The following SASH1 variants were observed in gnomAD, a reference collection of about 807,000 sequenced individuals.
The protein encoded by SASH1 is SAM and SH3 domain containing 1, also known as SAM and SH3 domain-containing protein 1.
In SASH1, 44 loss-of-function variants were observed where a neutral mutation model predicts 125.2. The observed-to-expected ratio is 0.35, with a 90% CI of 0.28 to 0.45. SASH1 has a LOEUF of 0.45. Ranked by LOEUF, SASH1 falls within the 20% of genes least tolerant of loss-of-function variation. The probability of loss-of-function intolerance (pLI) is 1.00; values close to 1 mark genes in which losing one functional copy is unlikely to be tolerated. For missense variants in SASH1, 1,426 were observed against 1,614.5 expected (o/e 0.88, Z 2.00); for synonymous variants, 639 against 649.1 (o/e 0.98, Z 0.24).
chr6:148,233,382 C>A, the SASH1 span, among the ~76,000 whole-genome samples: 1 of 152,074 alleles, frequency 6.6e-6, no homozygotes, highest in Non-Finnish European at 1.5e-5. Flanking sequence ...TTCAAGCAGA[C>A]CAGAACCTTC....
chr6:148,465,986 C>T (rs1283762536), intron 4 of SASH1, among the ~76,000 whole-genome samples: 1 of 152,160 alleles, frequency 6.6e-6, no homozygotes, highest in African/African-American at 2.4e-5. Flanking sequence ...CGTGTTCATC[C>T]ATGTACCTTA....
rs887142600 is a variant in SASH1 at position 148,544,063 on chromosome 6, G to A, written c.2593G>A (p.Val865Ile). The A allele has an allele frequency of 2.5e-6, 4 of 1,614,088 alleles. No individual in the cohort carries two copies. The highest frequency in any genetic ancestry group is 3.4e-6 in the Non-Finnish European group (4 of 1,180,018). Reference protein sequence around the residue: ...TEVTEPPPQIVPEVPQKTTAS... With the variant: ...TEVTEPPPQIIPEVPQKTTAS... ...GGTGACAGAACCGCCCCCTCAGATTGTACCTGAAGTGCCACAGAAGACGAC... is the reference window on the plus strand; with the variant it reads ...GGTGACAGAACCGCCCCCTCAGATTATACCTGAAGTGCCACAGAAGACGAC... Residue 865 changes from valine (V) to isoleucine (I), a missense_variant, in exon 18 of 20, where the codon GTA (valine) becomes ATA (isoleucine). Val to Ile is a conservative substitution (Grantham distance 29, BLOSUM62 3). Coordinates refer to ENST00000367467, the MANE Select transcript of SASH1 (RefSeq NM_015278.5). The surrounding 1 kb of genome is among the most constrained non-coding windows in gnomAD (Gnocchi z 6.4).
rs1426041260 is a variant in SASH1, at chr6:148,551,899, ATTG to A, written c.*3344_*3346del. On this transcript the variant is annotated 3_prime_UTR_variant, in exon 20 of 20. Coordinates refer to ENST00000367467, the MANE Select transcript of SASH1 (RefSeq NM_015278.5). ...TTGCTTCAGCCCAAGAAAGCTGTGT[ATTG>A]TTTTAAAAATTGTAAAAATTATTGT... is the stretch of plus-strand genomic sequence containing the variant. The A allele has an allele frequency of 2.6e-5, 4 of 152,648 alleles. No individual in the cohort carries two copies. Among genetic ancestry groups the A allele is most frequent in the African/African-American group, 9.6e-5 (4 of 41,458 alleles). The allele number at this position is 152,648 out of a possible 1,614,324, so 9.5% of individuals were successfully genotyped here. A position where few individuals can be genotyped will look rare whatever the true frequency, so the allele number is the denominator to read the frequency against.
intron 10 of SASH1, among the ~76,000 whole-genome samples, chr6:148,520,963 C>T (rs1780770086): frequency 6.6e-6 from 1 of 152,112 alleles, no homozygotes; most frequent in Non-Finnish European, 1.5e-5. Flanking sequence ...ATTCCATGTT[C>T]TTATCTTTAT....
At chr6:148,490,030 A>AC (rs1427957406) in intron 8 of SASH1, among the ~76,000 whole-genome samples, 1 of 143,968 alleles carries the variant, frequency 6.9e-6, no homozygotes, top group Non-Finnish European at 1.5e-5. Context: ...AAAAAAAAAA[A>AC]AAACAAGAAA....
chr6:148,402,927 A>T (rs1436015771), intron 2 of SASH1, among the ~76,000 whole-genome samples: 1 of 152,102 alleles, frequency 6.6e-6, no homozygotes, highest in Non-Finnish European at 1.5e-5. Context: ...ACATTTTTAA[A>T]AGCACATTAG....
intron 8 of SASH1, among the ~76,000 whole-genome samples, chr6:148,497,756 TAATC>T (rs1449389565): frequency 6.6e-6 from 1 of 152,212 alleles, no homozygotes. Flanking sequence ...ACCAAACACA[TAATC>T]AATTTATTTT....
intron 1 of SASH1, among the ~76,000 whole-genome samples, chr6:148,327,371 G>A (rs575625035): frequency 1.4e-3 from 214 of 148,776 alleles, no homozygotes; most frequent in African/African-American, 4.7e-3. Flanking sequence ...TGCAACCTCC[G>A]CCTCCGAGGT....
chr6:148,303,915 T>C (rs1223872162), intron 1 of SASH1, among the ~76,000 whole-genome samples: 1 of 151,990 alleles, frequency 6.6e-6, no homozygotes, highest in African/African-American at 2.4e-5. Context: ...AAATGCAATA[T>C]ACCAAAACTT....
chr6:148,307,024 T>TTTCTTTC, intron 1 of SASH1, among the ~76,000 whole-genome samples: 1 of 120,782 alleles, frequency 8.3e-6, no homozygotes, highest in East Asian at 2.6e-4. Flanking sequence ...TTTCTCTTTC[T>TTTCTTTC]TTTCTTTCTT....
the SASH1 span, among the ~76,000 whole-genome samples, chr6:148,217,566 G>A: frequency 9.9e-5 from 15 of 152,236 alleles, no homozygotes; most frequent in East Asian, 1.4e-3. Context: ...GGGTTCAAAC[G>A]CAGGTCCTCC....
chr6:148,450,815 A>G (rs1777065596), intron 4 of SASH1, among the ~76,000 whole-genome samples: 1 of 151,914 alleles, frequency 6.6e-6, no homozygotes, highest in South Asian at 2.1e-4. Flanking sequence ...ATAGCCTTGG[A>G]ATTAAGATGC....
chr6:148,481,598 T>C (rs896175213), intron 7 of SASH1, among the ~76,000 whole-genome samples: 2 of 152,096 alleles, frequency 1.3e-5, no homozygotes, highest in East Asian at 3.9e-4. Flanking sequence ...TTTAAATATG[T>C]TGTGTCTCAG....
chr6:148,314,555 C>CGGTCAT (rs1780428142), intron 1 of SASH1, among the ~76,000 whole-genome samples: 1 of 152,064 alleles, frequency 6.6e-6, no homozygotes, highest in Non-Finnish European at 1.5e-5. Flanking sequence ...AAGACATTCA[C>CGGTCAT]GGTCATTTCC....
chr6:148,306,567 A>C (rs904714303), intron 1 of SASH1, among the ~76,000 whole-genome samples: 1 of 152,156 alleles, frequency 6.6e-6, no homozygotes, highest in African/African-American at 2.4e-5. Flanking sequence ...GGAGTCTTCA[A>C]TCTTGCTGTG....
At chr6:148,261,890 A>T in the SASH1 span, among the ~76,000 whole-genome samples, 1 of 152,270 alleles carries the variant, frequency 6.6e-6, no homozygotes, top group South Asian at 2.1e-4. Flanking sequence ...GGTAGGCAGA[A>T]AGGAAATGGA....
At chr6:148,340,497 A>G (rs1010235859), upstream of SASH1, among the ~76,000 whole-genome samples, 7 of 152,084 alleles carry the variant, frequency 4.6e-5, no homozygotes, top group African/African-American at 1.7e-4. Flanking sequence ...TCTCAAAAAA[A>G]AAAAAAAAAG....
At chr6:148,520,046 T>C in intron 10 of SASH1, 153 bp downstream of exon 10, 1 of 624,236 alleles carries the variant, frequency 1.6e-6, no homozygotes, top group South Asian at 2.1e-5. Flanking sequence ...TCTGCCAGCG[T>C]CCCTCCAGAA....
chr6:148,330,618 T>G (rs138916190), intron 1 of SASH1, among the ~76,000 whole-genome samples: 5,063 of 152,278 alleles, frequency 0.033, 134 homozygotes, highest in South Asian at 0.079. Context: ...GGAGTTTCCC[T>G]CTTGTCGCCC....
Sources: gnomAD v4.1 joint callset for allele counts (sites outside exome capture counted in the v4.1 genomes callset) on GRCh38, gnomAD v4.1.1 for gene constraint, Gnocchi (gnomAD v3.1) non-coding constraint, MANE v1.5 for transcripts, NCBI Gene and HGNC (gene_info 2026-07-23, HGNC 2026-07-21) for gene names.